The following YEATS4 variants were observed in gnomAD, a reference collection of about 807,000 sequenced individuals.
YEATS4 encodes the protein YEATS domain-containing protein 4.
YEATS4 carries 17 observed loss-of-function variants against 30.1 expected under a neutral mutation model. The observed-to-expected ratio is 0.56, with a 90% confidence interval of 0.39 to 0.85. The LOEUF (loss-of-function observed/expected upper bound fraction) is 0.85. Among genes scored for constraint, YEATS4 ranks in the 40% least tolerant of loss-of-function variants. YEATS4 has a pLI of 0.00. For missense variants in YEATS4, 142 were observed against 268.3 expected, an observed-to-expected ratio of 0.53 and a Z score of 3.29; for synonymous variants, 85 against 87.5, an observed-to-expected ratio of 0.97 and a Z score of 0.16.
intron 6 of YEATS4, among the ~76,000 whole-genome samples, chr12:69,389,172 G>A (rs1193195864): frequency 2.0e-5 from 3 of 152,014 alleles, no homozygotes; most frequent in South Asian, 4.1e-4. Context: ...CACCTGGGCC[G>A]GGCCTGGTGG....
At chr12:69,421,710 A>T in the YEATS4 span, among the ~76,000 whole-genome samples, 8 of 152,230 alleles carry the variant, frequency 5.3e-5, no homozygotes, top group African/African-American at 1.9e-4. Flanking sequence ...TCAAATGCTT[A>T]CAAGAAGGAT....
downstream of YEATS4, among the ~76,000 whole-genome samples, chr12:69,393,776 T>C (rs551936192): frequency 1.3e-5 from 2 of 152,210 alleles, no homozygotes; most frequent in Non-Finnish European, 2.9e-5. Context: ...AGCTTGATAA[T>C]AGGTACATGG....
chr12:69,385,138 A>G (rs1481191802), intron 6 of YEATS4, among the ~76,000 whole-genome samples: 1 of 151,694 alleles, frequency 6.6e-6, no homozygotes, highest in African/African-American at 2.4e-5. Flanking sequence ...TGGCCCCCTA[A>G]CAGTAGCTAG....
chr12:69,395,823 C>T (rs918485247), downstream of YEATS4, among the ~76,000 whole-genome samples: 2 of 152,118 alleles, frequency 1.3e-5, no homozygotes, highest in Admixed American at 1.3e-4. Context: ...CGGGTAAGGT[C>T]CTTGCTCTTC....
chr12:69,414,095 A>G, the YEATS4 span, among the ~76,000 whole-genome samples: 1 of 152,192 alleles, frequency 6.6e-6, no homozygotes, highest in Admixed American at 6.5e-5. Flanking sequence ...TGCTCATCTC[A>G]CAAGATCATC....
chr12:69,418,743 T>C, the YEATS4 span, among the ~76,000 whole-genome samples: 1 of 152,044 alleles, frequency 6.6e-6, no homozygotes, highest in Non-Finnish European at 1.5e-5. Context: ...TTTGAGCTAA[T>C]CCTTCAACTT....
rs1039584028 is a variant in YEATS4, at chr12:69,359,836, C to T, written c.-137C>T. On this transcript the variant is annotated 5_prime_UTR_variant, in exon 1 of 7. Coordinates refer to ENST00000247843, the MANE Select transcript of YEATS4 (RefSeq NM_006530.4). Reference sequence around the variant, plus strand: ...TTGACGGTTACTCACCGCCGTGAGCCCAAGTAACTCGCCCTCCTTCGGCTA... The same window carrying T: ...TTGACGGTTACTCACCGCCGTGAGCTCAAGTAACTCGCCCTCCTTCGGCTA... 5 of 1,025,172 alleles carry T rather than the reference C, an allele frequency of 4.9e-6. No individual in the cohort carries two copies. The Admixed American group carries it at 9.9e-5, about 20-fold the overall frequency. 63.5% of individuals were successfully genotyped at this position (1,025,172 alleles called of 1,614,324 possible).
At chr12:69,385,864 G>A (rs1876257015) in intron 6 of YEATS4, among the ~76,000 whole-genome samples, 3 of 152,132 alleles carry the variant, frequency 2.0e-5, no homozygotes, top group African/African-American at 7.2e-5. Context: ...ACTATGATTA[G>A]CACCATTTTG....
At chr12:69,419,634 T>C in the YEATS4 span, among the ~76,000 whole-genome samples, 1 of 152,290 alleles carries the variant, frequency 6.6e-6, no homozygotes, top group East Asian at 1.9e-4. Flanking sequence ...CCTGCCGTTA[T>C]AGAAGGTTTT....
At chr12:69,392,856 A>C (rs1329601123), downstream of YEATS4, among the ~76,000 whole-genome samples, 2 of 152,180 alleles carry the variant, frequency 1.3e-5, no homozygotes, top group African/African-American at 4.8e-5. Context: ...TCTGTTGCTC[A>C]TGCCTAAATA....
chr12:69,389,575 G>C (rs1430642211), intron 6 of YEATS4, among the ~76,000 whole-genome samples: 3 of 128,618 alleles, frequency 2.3e-5, no homozygotes, highest in Non-Finnish European at 4.8e-5. Flanking sequence ...GTGCACTAGC[G>C]TCATCTCAGC....
intron 2 of YEATS4, among the ~76,000 whole-genome samples, chr12:69,363,274 T>C (rs1875303564): frequency 6.6e-6 from 1 of 151,978 alleles, no homozygotes; most frequent in African/African-American, 2.4e-5. Flanking sequence ...ATTACAGGCG[T>C]GAGCCACCGC....
In YEATS4 at chr12:69,374,671, A is replaced by AGCACG. The variant is rs1875774086; in HGVS notation, c.514+3696_514+3697insGCACG. ...CCCTTAATCCATTTAACCCTTACACATGTTTCAGAGAGCACGGGGTTGGGG... is the reference window on the plus strand; with the variant it reads ...CCCTTAATCCATTTAACCCTTACACAGCACGTGTTTCAGAGAGCACGGGGTTGGGG... On this transcript the variant is annotated intron_variant, in intron 6 of 6. Transcript: ENST00000247843. 6.5e-5 allele frequency among the ~76,000 whole-genome samples: 6 copies of AGCACG among 92,258 alleles called. No homozygotes were observed. In the East Asian group the frequency reaches 1.9e-3, roughly 29 times the overall value. The allele number at this position is 92,258 out of a possible 152,430, so 60.5% of individuals were successfully genotyped here.
rs1275630349 is a variant in YEATS4, at chr12:69,390,266, A to G, written c.634A>G (p.Lys212Glu). Residue 212 changes from lysine (K) to glutamate (E), a missense_variant, in exon 7 of 7, where the codon AAA becomes GAA. Lys to Glu is a moderately conservative substitution (Grantham distance 56, BLOSUM62 1). This residue lies in a region of YEATS4 where 53 missense variants were observed against 68.6 expected (regional missense o/e 0.77). Coordinates refer to ENST00000247843, the MANE Select transcript of YEATS4 (RefSeq NM_006530.4). ...KASRETINCL[K>E]NEIRKLEEDD... Reference sequence around the variant, plus strand: ...AAGTCGTGAAACTATAAATTGTTTAAAAAATGAAATCAGAAAACTTGAAGA... The same window carrying G: ...AAGTCGTGAAACTATAAATTGTTTAGAAAATGAAATCAGAAAACTTGAAGA... The G allele has an allele frequency of 1.3e-6, 2 of 1,599,560 alleles. No homozygotes were observed. Among genetic ancestry groups the G allele is most frequent in the Non-Finnish European group, 8.5e-7 (1 of 1,176,470 alleles).
intron 4 of YEATS4, 57 bp from the exon 5 acceptor site, chr12:69,370,649 G>A (rs1875602401): frequency 8.8e-6 from 12 of 1,370,776 alleles, no homozygotes; most frequent in Non-Finnish European, 1.2e-5. Context: ...AAAAATGCCA[G>A]TATCTTATGA....
the YEATS4 span, among the ~76,000 whole-genome samples, chr12:69,415,454 A>G: frequency 6.6e-6 from 1 of 152,146 alleles, no homozygotes; most frequent in Non-Finnish European, 1.5e-5. Flanking sequence ...GGGCACTTGT[A>G]GGAGGCTGAG....
chr12:69,390,175 A>C lies in YEATS4; in HGVS notation c.543A>C (p.Glu181Asp). 6.3e-7 allele frequency: 1 copy of C among 1,588,284 alleles called. No individual in the cohort carries two copies. The highest frequency in any genetic ancestry group is 1.2e-5 in the South Asian group (1 of 85,266). Residue 181 changes from glutamate to aspartate, a missense_variant, in exon 7 of 7, where the codon GAA (glutamate) becomes GAC (aspartate). Physicochemically the swap from Glu to Asp is conservative, Grantham distance 45. This residue lies in a region of YEATS4 where 53 missense variants were observed against 68.6 expected (regional missense o/e 0.77). Transcript: ENST00000247843. ...CAGAGCTTGAAGTGAAAACCAGAGA[A>C]AAATTAGAAGCTGCTAAGAAAAAAA... Reference protein sequence around the residue: ...EFAELEVKTREKLEAAKKKTS... With the variant: ...EFAELEVKTRDKLEAAKKKTS...
intron 6 of YEATS4, among the ~76,000 whole-genome samples, 170 bp downstream of exon 6, chr12:69,371,145 G>A (rs1875621483): frequency 6.6e-6 from 1 of 152,154 alleles, no homozygotes; most frequent in Non-Finnish European, 1.5e-5. Flanking sequence ...GTTTTAAATT[G>A]TTCCCAAGTA....
chr12:69,406,538 A>G, the YEATS4 span, among the ~76,000 whole-genome samples: 1 of 152,176 alleles, frequency 6.6e-6, no homozygotes, highest in African/African-American at 2.4e-5. Context: ...CATGTTGCCC[A>G]GGCTGGATAT....
Sources: gnomAD v4.1 joint callset for allele counts (sites outside exome capture counted in the v4.1 genomes callset) on GRCh38, gnomAD v4.1.1 for gene constraint, gnomAD v4.1.1 regional missense constraint, MANE v1.5 for transcripts, NCBI Gene and HGNC (gene_info 2026-07-23, HGNC 2026-07-21) for gene names.